FHIT: variants seen among roughly 807,000 people sequenced by gnomAD.
FHIT encodes the protein fragile histidine triad diadenosine triphosphatase.
In FHIT, 19 loss-of-function variants were observed where a neutral mutation model predicts 17.9. The observed-to-expected ratio is 1.06, with a 90% CI of 0.74 to 1.56. The LOEUF is 1.56. FHIT is among the 40% of genes most tolerant of loss of function. The probability of loss-of-function intolerance (pLI) is 0.00; values close to 1 mark genes in which losing one functional copy is unlikely to be tolerated. For synonymous variants in FHIT, 81 were observed against 69.7 expected, an observed-to-expected ratio of 1.16 and a Z score of -0.81; for missense variants, 248 against 189.2, an observed-to-expected ratio of 1.31 and a Z score of -1.82.
At chr3:60,809,995 TG>T (rs782205580) in intron 4 of FHIT, among the ~76,000 whole-genome samples, 6 of 152,206 alleles carry the variant, frequency 3.9e-5, no homozygotes, top group Non-Finnish European at 7.3e-5. Context: ...AGGGCATTTC[TG>T]TCAGAAAGGA....
intron 4 of FHIT, among the ~76,000 whole-genome samples, chr3:60,744,939 T>C (rs1344020124): frequency 1.3e-5 from 2 of 152,106 alleles, no homozygotes; most frequent in South Asian, 2.1e-4. Flanking sequence ...AAAACAACCA[T>C]AGTCCCTGTC....
intron 4 of FHIT, among the ~76,000 whole-genome samples, chr3:60,623,584 T>C (rs72889667): frequency 0.015 from 2,347 of 152,254 alleles, 68 homozygotes; most frequent in African/African-American, 0.054. Flanking sequence ...AAAGTTTAAG[T>C]CAAGAGCCTT....
intron 3 of FHIT, among the ~76,000 whole-genome samples, chr3:60,972,974 C>T (rs1257784104): frequency 1.3e-5 from 2 of 152,146 alleles, no homozygotes; most frequent in Non-Finnish European, 2.9e-5. Context: ...ATATTAATCT[C>T]TTATCTGAAA....
intron 5 of FHIT, among the ~76,000 whole-genome samples, chr3:60,490,387 C>G (rs2034014742): frequency 6.6e-6 from 1 of 152,080 alleles, no homozygotes; most frequent in Non-Finnish European, 1.5e-5. Flanking sequence ...ACTATAGCTA[C>G]TGAACTCGTA....
chr3:60,895,653 CCTT>C (rs1310357282), intron 3 of FHIT, among the ~76,000 whole-genome samples: 67 of 135,216 alleles, frequency 5.0e-4, no homozygotes, highest in South Asian at 7.1e-4. Flanking sequence ...TCCTTTCCCT[CCTT>C]CCTTCCTTCC....
chr3:61,224,185 G>A (rs184395995), intron 1 of FHIT, among the ~76,000 whole-genome samples: 80 of 152,310 alleles, frequency 5.3e-4, no homozygotes, highest in African/African-American at 1.6e-3. Context: ...CCTAAGGGCC[G>A]TATAGTTCTA....
At chr3:60,864,411 T>A (rs1488780573) in intron 3 of FHIT, among the ~76,000 whole-genome samples, 2 of 152,140 alleles carry the variant, frequency 1.3e-5, no homozygotes, top group Non-Finnish European at 2.9e-5. Context: ...AGCCCATGGT[T>A]TTAAACACTT....
In FHIT at chr3:60,166,129, G is replaced by A. The variant is rs1404848243; in HGVS notation, c.104-151977C>T. Among the ~76,000 whole-genome samples, 5 of 151,984 alleles carry A rather than the reference G, an allele frequency of 3.3e-5. No homozygotes were observed. The East Asian group carries it at 9.6e-4, about 29-fold the overall frequency. On this transcript the variant is annotated intron_variant, in intron 5 of 9. Transcript: ENST00000492590. ...GCAAATCATGAGAATCAATTAAAAAGTGGCTAACATTGGCTTGTTTCTACT... is the reference window on the plus strand; with the variant it reads ...GCAAATCATGAGAATCAATTAAAAAATGGCTAACATTGGCTTGTTTCTACT...
intron 2 of FHIT, among the ~76,000 whole-genome samples, chr3:61,065,306 G>A (rs1386159505): frequency 7.3e-6 from 1 of 137,048 alleles, no homozygotes; most frequent in Non-Finnish European, 1.6e-5. Context: ...TACACACACA[G>A]GCTAAGATGT....
At chr3:61,043,827 G>A (rs565203206) in intron 2 of FHIT, among the ~76,000 whole-genome samples, 1 of 152,314 alleles carries the variant, frequency 6.6e-6, no homozygotes, top group South Asian at 2.1e-4. Context: ...TGCAATATTT[G>A]CTGTTCTGCA....
rs187137748 is a variant in FHIT, at chr3:59,858,080, A to G, written c.348+64266T>C. ...TTAGACACAGCCTTGGAGACAAGTA[A>G]GTAATGCAGAGAGAGTAAAAGGGAG... On this transcript the variant is annotated intron_variant, in intron 8 of 9. Transcript: ENST00000492590. 2.0e-5 allele frequency among the ~76,000 whole-genome samples: 3 copies of G among 152,244 alleles called. 1 individual carries two copies. The highest frequency in any genetic ancestry group is 2.0e-4 in the Admixed American group (3 of 15,296).
chr3:61,044,220 A>T (rs1418494190), intron 2 of FHIT, among the ~76,000 whole-genome samples: 1 of 152,232 alleles, frequency 6.6e-6, no homozygotes, highest in Non-Finnish European at 1.5e-5. Context: ...ATCACAAAGA[A>T]GCTAAAAACC....
At chr3:59,841,946 C>T (rs1701548854) in intron 8 of FHIT, among the ~76,000 whole-genome samples, 1 of 152,148 alleles carries the variant, frequency 6.6e-6, no homozygotes, top group Non-Finnish European at 1.5e-5. Context: ...TTTAGGTGTA[C>T]AGTCCAGTGA....
chr3:61,201,188 C>G (rs978267600), intron 1 of FHIT, among the ~76,000 whole-genome samples: 1 of 152,184 alleles, frequency 6.6e-6, no homozygotes, highest in African/African-American at 2.4e-5. Flanking sequence ...ATCACCCTTC[C>G]TGTATGTAGA....
intron 5 of FHIT, among the ~76,000 whole-genome samples, chr3:60,044,892 G>T (rs962343853): frequency 1.3e-5 from 2 of 152,112 alleles, no homozygotes; most frequent in Non-Finnish European, 2.9e-5. Context: ...ATGAGCTCAT[G>T]AAAGAAAAGC....
chr3:60,421,962 C>T (rs897260125), intron 5 of FHIT, among the ~76,000 whole-genome samples: 1 of 152,004 alleles, frequency 6.6e-6, no homozygotes, highest in African/African-American at 2.4e-5. Flanking sequence ...GTTGTAGAGG[C>T]AAAGGTAAAA....
chr3:61,023,958 A>T (rs1190264103), intron 3 of FHIT, among the ~76,000 whole-genome samples: 1 of 152,230 alleles, frequency 6.6e-6, no homozygotes, highest in East Asian at 1.9e-4. Context: ...TCATGACTAA[A>T]ACACCAAAAG....
chr3:60,300,459 T>A (rs556193588), intron 5 of FHIT, among the ~76,000 whole-genome samples: 1 of 152,118 alleles, frequency 6.6e-6, no homozygotes, highest in Non-Finnish European at 1.5e-5. Context: ...GGTCAGCTAC[T>A]AGCCTTGCAT....
At chr3:60,548,144 CGA>C (rs869140510) in intron 4 of FHIT, among the ~76,000 whole-genome samples, 4 of 1,418 alleles carry the variant, frequency 2.8e-3, no homozygotes, top group Non-Finnish European at 4.4e-3. Flanking sequence ...AGAGAGAGAG[CGA>C]GAGAGAGAGA....
Sources: allele counts gnomAD v4.1 joint callset (sites outside exome capture counted in the v4.1 genomes callset), GRCh38; gene constraint gnomAD v4.1.1; transcripts MANE v1.5; gene names NCBI Gene and HGNC (gene_info 2026-07-23, HGNC 2026-07-21).